CC2D2A: variants seen among roughly 807,000 people sequenced by gnomAD.
CC2D2A encodes the protein coiled-coil and C2 domain containing 2A.
CC2D2A carries 155 observed loss-of-function variants against 212.9 expected under a neutral mutation model. The observed-to-expected ratio is 0.73, with a 90% CI of 0.64 to 0.83. The LOEUF (loss-of-function observed/expected upper bound fraction) is 0.83. Ranked by LOEUF, CC2D2A falls within the 40% of genes least tolerant of loss-of-function variation. The pLI, the probability that CC2D2A is intolerant of heterozygous loss-of-function variation, is 0.00. For synonymous variants in CC2D2A, 667 were observed against 686.5 expected, an observed-to-expected ratio of 0.97 and a Z score of 0.44; for missense variants, 1,856 against 1,956.2, an observed-to-expected ratio of 0.95 and a Z score of 0.97.
intron 4 of CC2D2A, among the ~76,000 whole-genome samples, chr4:15,491,931 G>A (rs1715326143): frequency 6.6e-6 from 1 of 151,916 alleles, no homozygotes; most frequent in Non-Finnish European, 1.5e-5. Context: ...TGTGCTTTTA[G>A]GGTTGTATCT....
At chr4:15,506,953 C>T (rs937470933) in intron 6 of CC2D2A, among the ~76,000 whole-genome samples, 3 of 151,660 alleles carry the variant, frequency 2.0e-5, no homozygotes, top group Admixed American at 1.3e-4. Context: ...TGGAGGGTGC[C>T]TGTAATCCCA....
At chr4:15,505,592 G>C (rs1359061692) in intron 6 of CC2D2A, among the ~76,000 whole-genome samples, 3 of 152,204 alleles carry the variant, frequency 2.0e-5, no homozygotes, top group Non-Finnish European at 4.4e-5. Context: ...ATTCAGCTCT[G>C]TGGTGGGTGC....
chr4:15,591,458 A>G (rs1475933958), intron 33 of CC2D2A, among the ~76,000 whole-genome samples: 1 of 152,080 alleles, frequency 6.6e-6, no homozygotes, highest in Non-Finnish European at 1.5e-5. Flanking sequence ...ACCTCAGGTG[A>G]TCTGCCCGCC....
intron 9 of CC2D2A, 143 bp downstream of exon 9, chr4:15,515,012 CA>C (rs1269041415): frequency 5.1e-5 from 35 of 691,812 alleles, no homozygotes; most frequent in South Asian, 1.4e-4. Flanking sequence ...TTCAAACAAA[CA>C]AAAAAAACAC....
At chr4:15,562,599 G>A (rs1719665075) in intron 23 of CC2D2A, among the ~76,000 whole-genome samples, 1 of 152,120 alleles carries the variant, frequency 6.6e-6, no homozygotes, top group Non-Finnish European at 1.5e-5. Context: ...CAACCCAATA[G>A]TTACCATTTT....
At position 15,555,119 on chromosome 4, in the gene CC2D2A, T is replaced by C. The variant is rs1481526699; in HGVS notation, c.2534T>C (p.Leu845Pro). ...ATCTCATCTATTGGCACATCAGGACTGACAGACATGAAAAAATTGGCCAAG... is the reference window on the plus strand; with the variant it reads ...ATCTCATCTATTGGCACATCAGGACCGACAGACATGAAAAAATTGGCCAAG... Reference protein sequence around the residue: ...DAISSIGTSGLTDMKKLAKWA... With the variant: ...DAISSIGTSGPTDMKKLAKWA... The change falls in exon 20 of 37, where the codon CTG (leucine) becomes CCG (proline). Residue 845 changes from leucine (L) to proline (P), a missense_variant. Physicochemically the swap from Leu to Pro is moderately conservative, Grantham distance 98. Coordinates refer to ENST00000424120, the MANE Select transcript of CC2D2A (RefSeq NM_001378615.1). The C allele has an allele frequency of 1.2e-6, 2 of 1,613,864 alleles. No individual in the cohort carries two copies. The highest frequency in any genetic ancestry group is 2.2e-5 in the East Asian group (1 of 44,858).
chr4:15,561,259 G>C (rs1490203190), intron 23 of CC2D2A, among the ~76,000 whole-genome samples: 1 of 152,292 alleles, frequency 6.6e-6, no homozygotes, highest in African/African-American at 2.4e-5. Flanking sequence ...TCCCATACTG[G>C]TGGTCTTGTG....
At chr4:15,551,757 C>A (rs1033348234) in intron 18 of CC2D2A, among the ~76,000 whole-genome samples, 1 of 152,096 alleles carries the variant, frequency 6.6e-6, no homozygotes, top group African/African-American at 2.4e-5. Flanking sequence ...GGTATCTGAT[C>A]ATTCCAATAC....
At chr4:15,522,691 T>C (rs1439828807) in intron 11 of CC2D2A, among the ~76,000 whole-genome samples, 1 of 152,164 alleles carries the variant, frequency 6.6e-6, no homozygotes, top group African/African-American at 2.4e-5. Context: ...TAAGAAAGAA[T>C]ACAATTTAAT....
intron 11 of CC2D2A, among the ~76,000 whole-genome samples, chr4:15,518,127 C>G (rs1286008767): frequency 6.6e-6 from 1 of 152,130 alleles, no homozygotes; most frequent in East Asian, 1.9e-4. Context: ...CCTCACATTT[C>G]AAAACCAATC....
intron 33 of CC2D2A, among the ~76,000 whole-genome samples, chr4:15,594,441 G>A (rs1721232500): frequency 6.6e-6 from 1 of 152,146 alleles, no homozygotes; most frequent in South Asian, 2.1e-4. Context: ...TCTGCTGCAA[G>A]TTGTGGTAGC....
intron 19 of CC2D2A, 84 bp downstream of exon 19, chr4:15,553,389 A>G (rs1719106820): frequency 7.0e-6 from 10 of 1,424,280 alleles, no homozygotes; most frequent in Non-Finnish European, 9.6e-6. Flanking sequence ...TTGCAGTATC[A>G]TATTCTTTCC....
intron 32 of CC2D2A, 114 bp downstream of exon 32, chr4:15,588,043 G>C: frequency 1.7e-6 from 1 of 593,194 alleles, no homozygotes; most frequent in South Asian, 2.6e-5. Flanking sequence ...TGCTAGGAAA[G>C]TGGCCCACAG....
At chr4:15,526,192 A>G (rs1717502179) in intron 11 of CC2D2A, among the ~76,000 whole-genome samples, 1 of 152,206 alleles carries the variant, frequency 6.6e-6, no homozygotes, top group Non-Finnish European at 1.5e-5. Context: ...GACAGGCTGT[A>G]TCACACTGTA....
At chr4:15,560,742 G>T (rs1039550395) in intron 23 of CC2D2A, 120 bp downstream of exon 23, 83 of 543,980 alleles carry the variant, frequency 1.5e-4, no homozygotes, top group Non-Finnish European at 2.4e-4. Context: ...TTTGGGCCAG[G>T]AATAATGTGT....
chr4:15,473,818 A>T (rs1713995468), intron 1 of CC2D2A, among the ~76,000 whole-genome samples: 1 of 152,122 alleles, frequency 6.6e-6, no homozygotes, highest in African/African-American at 2.4e-5. Context: ...TGATGGATTC[A>T]TGTGAGACTG....
At chr4:15,574,924 G>C (rs1301801712) in intron 29 of CC2D2A, among the ~76,000 whole-genome samples, 3 of 152,228 alleles carry the variant, frequency 2.0e-5, no homozygotes, top group African/African-American at 7.2e-5. Flanking sequence ...TATGCCTAGT[G>C]TTCCATTACT....
intron 36 of CC2D2A, among the ~76,000 whole-genome samples, 190 bp from the exon 37 acceptor site, chr4:15,601,047 T>C (rs1037127051): frequency 1.3e-5 from 2 of 152,190 alleles, no homozygotes; most frequent in African/African-American, 4.8e-5. Flanking sequence ...TATACACCTA[T>C]ATGCAAGGAA....
rs775149754 is a variant in CC2D2A, at chr4:15,516,577, C to A, written c.1018-48C>A. 1.0e-5 allele frequency: 16 copies of A among 1,575,470 alleles called. No individual in the cohort carries two copies. In the East Asian group the frequency reaches 3.2e-4, roughly 31 times the overall value. The stretch of plus-strand genomic sequence containing the variant: ...TGTTGTTTGTGTTGTGAACCATTTT[C>A]TGTTCGATTAGAAGAAAATGTTGCC... On this transcript the variant is annotated intron_variant, in intron 10 of 36. Transcript: ENST00000424120.
Sources: gnomAD v4.1 joint callset for allele counts (sites outside exome capture counted in the v4.1 genomes callset) on GRCh38, gnomAD v4.1.1 for gene constraint, MANE v1.5 for transcripts, NCBI Gene and HGNC (gene_info 2026-07-23, HGNC 2026-07-21) for gene names.